Variants in BICRA observed in about 807,000 individuals in gnomAD.
The protein encoded by BICRA is BRD4-interacting chromatin-remodeling complex-associated protein.
Under a neutral mutation model 96.9 loss-of-function variants are expected in BICRA, and 31 were observed. The ratio of observed to expected loss-of-function variants is 0.32; its 90% CI spans 0.24 to 0.43. The LOEUF (loss-of-function observed/expected upper bound fraction) is 0.43, where lower values mean the gene tolerates loss of function less well. Among genes scored for constraint, BICRA ranks in the 20% least tolerant of loss-of-function variants. BICRA has a pLI of 1.00. For synonymous variants in BICRA, 1,350 were observed against 1,071.8 expected, an observed-to-expected ratio of 1.26 and a Z score of -5.07; for missense variants, 2,283 against 2,190.3, an observed-to-expected ratio of 1.04 and a Z score of -0.84.
chr19:47,695,106 C>A, intron 9 of BICRA, 26 bp downstream of exon 9: 1 of 1,451,126 alleles, frequency 6.9e-7, no homozygotes, highest in Non-Finnish European at 9.1e-7. Flanking sequence ...CCTATGTGCC[C>A]AGGGAGACGG....
At chr19:47,670,949 C>T (rs1192496793) in intron 2 of BICRA, among the ~76,000 whole-genome samples, 1 of 152,058 alleles carries the variant, frequency 6.6e-6, no homozygotes, top group Non-Finnish European at 1.5e-5. Context: ...GCAGCGAGAG[C>T]CCGGGAGGCA....
At chr19:47,664,294 G>T (rs1490278149) in intron 1 of BICRA, among the ~76,000 whole-genome samples, 1 of 152,146 alleles carries the variant, frequency 6.6e-6, no homozygotes, top group African/African-American at 2.4e-5. Flanking sequence ...AGCTCCTGAT[G>T]ACAGCGCAAA....
chr19:47,685,063 A>G (rs909986084), intron 7 of BICRA, among the ~76,000 whole-genome samples: 4 of 151,802 alleles, frequency 2.6e-5, no homozygotes, highest in Non-Finnish European at 5.9e-5. Flanking sequence ...TCCGCCTCCC[A>G]TGCTTAAGTG....
At position 47,680,676 on chromosome 19, in the gene BICRA, C is replaced by A; in HGVS notation, c.1506C>A (p.Ala502=). 6.2e-7 allele frequency: 1 copy of A among 1,604,740 alleles called. No homozygotes were observed. Among genetic ancestry groups the A allele is most frequent in the Non-Finnish European group, 8.5e-7 (1 of 1,175,706 alleles). ...NVGGQILAAA[A]PHTGGQLIAN... ...GCGGGCAGATCCTGGCGGCCGCTGCCCCCCACACAGGTGGACAGCTCATCG... is the reference window on the plus strand; with the variant it reads ...GCGGGCAGATCCTGGCGGCCGCTGCACCCCACACAGGTGGACAGCTCATCG... The change falls in exon 6 of 15, where the codon GCC becomes GCA. Residue 502 remains alanine, a synonymous_variant. Coordinates refer to ENST00000594866, the MANE Select transcript of BICRA (RefSeq NM_001394372.1).
intron 1 of BICRA, among the ~76,000 whole-genome samples, chr19:47,639,838 C>G (rs1287405275): frequency 6.6e-6 from 1 of 150,940 alleles, no homozygotes; most frequent in Non-Finnish European, 1.5e-5. Flanking sequence ...GAGATGGGGT[C>G]TAGCTATGAT....
At chr19:47,636,140 A>C (rs1972297821) in intron 1 of BICRA, among the ~76,000 whole-genome samples, 1 of 152,216 alleles carries the variant, frequency 6.6e-6, no homozygotes, top group East Asian at 1.9e-4. Context: ...CAAATATTTC[A>C]AAACTCCTAC....
In BICRA at chr19:47,675,422, G is replaced by A. The variant is rs1474881165; in HGVS notation, c.85-429G>A. Among the ~76,000 whole-genome samples, 4 of 152,232 alleles carry A rather than the reference G, an allele frequency of 2.6e-5. No individual in the cohort carries two copies. The highest frequency in any genetic ancestry group is 2.1e-4 in the South Asian group (1 of 4,822). On this transcript the variant is annotated intron_variant, in intron 4 of 14. Transcript: ENST00000594866. The surrounding 1 kb of genome is among the most constrained non-coding windows in gnomAD (Gnocchi z 4.7). Reference sequence around the variant, plus strand: ...GCACCGCATGGCTTGTCAGGTGCCCGGATGGTAGGTGTGCCAGGCACTCAG... The same window carrying A: ...GCACCGCATGGCTTGTCAGGTGCCCAGATGGTAGGTGTGCCAGGCACTCAG...
At chr19:47,609,023 G>GGCCCGGCAGCGGCT (rs1971852302), upstream of BICRA, 2 of 146,532 alleles carry the variant, frequency 1.4e-5, no homozygotes, top group Admixed American at 6.8e-5. Flanking sequence ...CGGCGGCGGG[G>GGCCCGGCAGCGGCT]GCCCGGCAGC....
intron 1 of BICRA, among the ~76,000 whole-genome samples, chr19:47,664,907 C>CG (rs1972753821): frequency 7.5e-6 from 1 of 132,954 alleles, no homozygotes; most frequent in African/African-American, 3.0e-5. Flanking sequence ...AGGAGCAGGC[C>CG]CACTGGGTGG....
intron 1 of BICRA, among the ~76,000 whole-genome samples, chr19:47,645,149 G>T (rs889656670): frequency 6.6e-6 from 1 of 152,152 alleles, no homozygotes; most frequent in African/African-American, 2.4e-5. Context: ...CCCGATGTAG[G>T]ATGAGGTTTG....
At chr19:47,685,628 T>C (rs1030383180) in intron 7 of BICRA, among the ~76,000 whole-genome samples, 5 of 152,114 alleles carry the variant, frequency 3.3e-5, no homozygotes, top group African/African-American at 1.2e-4. Context: ...CAGTTCCCAA[T>C]CTGGGTGATT....
intron 1 of BICRA, chr19:47,663,970 A>C (rs1023575276): frequency 6.6e-6 from 1 of 152,184 alleles, no homozygotes; most frequent in East Asian, 1.9e-4. Context: ...GGCATGACCC[A>C]TAGTTTGAGA....
At chr19:47,648,683 G>GTTTTTT (rs1303951301) in intron 1 of BICRA, among the ~76,000 whole-genome samples, 1 of 138,714 alleles carries the variant, frequency 7.2e-6, no homozygotes, top group African/African-American at 2.7e-5. Flanking sequence ...TTTTTTGTTT[G>GTTTTTT]TTTTTTTTTT....
intron 1 of BICRA, among the ~76,000 whole-genome samples, chr19:47,655,841 G>A (rs1226334569): frequency 1.3e-5 from 2 of 151,258 alleles, no homozygotes; most frequent in Admixed American, 6.6e-5. Context: ...GGGTGACAGA[G>A]CGAGACTCCA....
In BICRA at chr19:47,701,188, G is replaced by A; in HGVS notation, c.3596-140G>A. Reference sequence around the variant, plus strand: ...GCCTTGCTGAAGAGGGTCTCACCAAGCCTATCCTGAGGATTGGAGGGTCCA... The same window carrying A: ...GCCTTGCTGAAGAGGGTCTCACCAAACCTATCCTGAGGATTGGAGGGTCCA... On this transcript the variant is annotated intron_variant, in intron 14 of 14. Coordinates refer to ENST00000594866, the MANE Select transcript of BICRA (RefSeq NM_001394372.1). The surrounding 1 kb of genome is among the most constrained non-coding windows in gnomAD (Gnocchi z 5.4). The A allele has an allele frequency of 1.5e-6, 1 of 649,866 alleles. No homozygotes were observed. 40.3% of individuals were successfully genotyped at this position (649,866 alleles called of 1,614,324 possible). A position where few individuals can be genotyped will look rare whatever the true frequency, so the allele number is the denominator to read the frequency against.
intron 1 of BICRA, among the ~76,000 whole-genome samples, chr19:47,613,845 C>A (rs1971946303): frequency 6.6e-6 from 1 of 151,890 alleles, no homozygotes; most frequent in African/African-American, 2.4e-5. Flanking sequence ...GCAAGTTTCC[C>A]CAGTGGAGAG....
intron 1 of BICRA, among the ~76,000 whole-genome samples, chr19:47,620,154 C>A (rs562441644): frequency 6.6e-6 from 1 of 152,158 alleles, no homozygotes; most frequent in African/African-American, 2.4e-5. Context: ...GAAATTCTTT[C>A]CCGTGAGTAT....
At position 47,679,844 on chromosome 19, in the gene BICRA, C is replaced by G; in HGVS notation, c.674C>G (p.Ala225Gly). Residue 225 changes from alanine to glycine, a missense_variant, in exon 6 of 15, where the codon GCC becomes GGC. Ala to Gly is a moderately conservative substitution (Grantham distance 60, BLOSUM62 0). Coordinates refer to ENST00000594866, the MANE Select transcript of BICRA (RefSeq NM_001394372.1). ...QGLPNGSPGG[A>G]TAATLGLAPI... ...CTGCCCAATGGCAGCCCTGGGGGTG[C>G]CACGGCGGCCACACTGGGCCTGGCG... The G allele has an allele frequency of 6.7e-7, 1 of 1,489,350 alleles. No individual in the cohort carries two copies. The allele number at this position is 1,489,350 out of a possible 1,614,324, so 92.3% of individuals were successfully genotyped here.
chr19:47,685,786 T>TGCGCGCGCGCGCGCGC (rs67811590), intron 7 of BICRA, among the ~76,000 whole-genome samples: 26 of 117,970 alleles, frequency 2.2e-4, no homozygotes, highest in East Asian at 3.5e-4. Flanking sequence ...TGTGTGTGTG[T>TGCGCGCGCGCGCGCGC]GCGCGCGCGC....
Sources: gnomAD v4.1 joint callset for allele counts (sites outside exome capture counted in the v4.1 genomes callset) on GRCh38, gnomAD v4.1.1 for gene constraint, Gnocchi (gnomAD v3.1) non-coding constraint, MANE v1.5 for transcripts, NCBI Gene and HGNC (gene_info 2026-07-23, HGNC 2026-07-21) for gene names.